The following OR2A14 variants were observed in gnomAD, a reference collection of about 807,000 sequenced individuals.
OR2A14 encodes olfactory receptor family 2 subfamily A member 14.
Under a neutral mutation model 2.4 loss-of-function variants are expected in OR2A14, and 2 were observed. The observed-to-expected ratio is 0.85, with a 90% CI of 0.35 to 2.67. The LOEUF is 2.67. OR2A14 is among the 30% of genes most tolerant of loss of function. The probability of loss-of-function intolerance (pLI) is 0.10; values close to 1 mark genes in which losing one functional copy is unlikely to be tolerated. For missense variants in OR2A14, 390 were observed against 379.4 expected (o/e 1.03, Z -0.23); for synonymous variants, 160 against 156.3 (o/e 1.02, Z -0.18).
rs1309207697 is a variant in OR2A14 at position 144,129,116 on chromosome 7, G to C, written c.4G>C (p.Glu2Gln). 6.2e-7 allele frequency: 1 copy of C among 1,611,616 alleles called. No individual in the cohort carries two copies. Among genetic ancestry groups the C allele is most frequent in the Non-Finnish European group, 8.5e-7 (1 of 1,178,344 alleles). ...TGTCCTAGATGTCCACAAGAGCATG[G>C]AAGGCAACAAGACATGGATCACAGA... M[E>Q]GNKTWITDIT... is the part of the protein sequence containing the mutation. Residue 2 changes from glutamate to glutamine, a missense_variant, in exon 2 of 2, where the codon GAA becomes CAA. Coordinates refer to ENST00000641068, the MANE Select transcript of OR2A14 (RefSeq NM_001001659.3).
chr7:144,128,355 A>G (rs1338546707), intron 1 of OR2A14, among the ~76,000 whole-genome samples: 2 of 152,194 alleles, frequency 1.3e-5, no homozygotes. Flanking sequence ...GTATGTAGCC[A>G]AGAATTATTT....
At chr7:144,128,440 C>A (rs2051498966) in intron 1 of OR2A14, among the ~76,000 whole-genome samples, 1 of 152,132 alleles carries the variant, frequency 6.6e-6, no homozygotes, top group Non-Finnish European at 1.5e-5. Context: ...CTACAAACAC[C>A]AGATATGGAA....
At position 144,129,455 on chromosome 7, in the gene OR2A14, G is replaced by A. The variant is rs267601377; in HGVS notation, c.343G>A (p.Val115Met). The A allele has an allele frequency of 6.2e-7, 1 of 1,613,898 alleles. No homozygotes were observed. Among genetic ancestry groups the A allele is most frequent in the Non-Finnish European group, 8.5e-7 (1 of 1,179,962 alleles). ...AFAHVECLIL[V>M]VMSYDRYADI... ...TGCTCACGTAGAGTGTCTGATTTTG[G>A]TGGTGATGTCCTATGATCGCTATGC... is the stretch of plus-strand genomic sequence containing the variant. The change falls in exon 2 of 2, where the codon GTG (valine) becomes ATG (methionine). Residue 115 changes from valine (V) to methionine (M), a missense_variant. Coordinates refer to ENST00000641068, the MANE Select transcript of OR2A14 (RefSeq NM_001001659.3).
At position 144,129,701 on chromosome 7, in the gene OR2A14, G is replaced by C. The variant is rs552322540; in HGVS notation, c.589G>C (p.Val197Leu). The C allele has an allele frequency of 6.2e-7, 1 of 1,614,122 alleles. No homozygotes were observed. The highest frequency in any genetic ancestry group is 1.3e-5 in the African/African-American group (1 of 75,056). Residue 197 changes from valine (V) to leucine (L), a missense_variant, in exon 2 of 2, where the codon GTC becomes CTC. Coordinates refer to ENST00000641068, the MANE Select transcript of OR2A14 (RefSeq NM_001001659.3). ...TGCTGACACCTGGCTCAACCAGGTG[G>C]TCATCTTTGCAGCCTGCGTGTTCAT... ...ACADTWLNQV[V>L]IFAACVFILV...
intron 1 of OR2A14, among the ~76,000 whole-genome samples, chr7:144,124,462 C>CAAAAAA (rs10664756): frequency 2.4e-5 from 2 of 84,882 alleles, no homozygotes; most frequent in East Asian, 3.1e-4. Context: ...AACTCCGTCT[C>CAAAAAA]AAAAAAAAAA....
In OR2A14 at chr7:144,130,792, A is replaced by G. The variant is rs951958660; in HGVS notation, c.*747A>G. 2.0e-5 allele frequency: 3 copies of G among 152,236 alleles called. No homozygotes were observed. Among genetic ancestry groups the G allele is most frequent in the Admixed American group, 6.5e-5 (1 of 15,282 alleles). 9.4% of individuals were successfully genotyped at this position (152,236 alleles called of 1,614,324 possible). A position where few individuals can be genotyped will look rare whatever the true frequency, so the allele number is the denominator to read the frequency against. On this transcript the variant is annotated 3_prime_UTR_variant, in exon 2 of 2. Transcript: ENST00000641068. ...ATAATTAGTGACACTTCCTGTGAAGATACACAGGTTAATGCTTAAGGCTTT... is the reference window on the plus strand; with the variant it reads ...ATAATTAGTGACACTTCCTGTGAAGGTACACAGGTTAATGCTTAAGGCTTT...
intron 1 of OR2A14, among the ~76,000 whole-genome samples, chr7:144,126,458 C>G (rs1265143340): frequency 6.6e-6 from 1 of 152,172 alleles, no homozygotes; most frequent in African/African-American, 2.4e-5. Context: ...TTACTGTTCT[C>G]TGTGTAGAGA....
rs142203313 is a variant in OR2A14, at chr7:144,129,092, G to C, written c.-21G>C. ...ACTGGCCCACAGCTCTGACCTTCCT[G>C]TCCTAGATGTCCACAAGAGCATGGA... On this transcript the variant is annotated 5_prime_UTR_variant, in exon 2 of 2. Coordinates refer to ENST00000641068, the MANE Select transcript of OR2A14 (RefSeq NM_001001659.3). 2.4e-3 allele frequency: 3,824 copies of C among 1,597,690 alleles called. 11 individuals are homozygous for C. Among genetic ancestry groups the C allele is most frequent in the Non-Finnish European group, 2.6e-3 (3,096 of 1,168,776 alleles).
At chr7:144,126,046 G>A (rs1363048438) in intron 1 of OR2A14, among the ~76,000 whole-genome samples, 4 of 152,254 alleles carry the variant, frequency 2.6e-5, no homozygotes, top group Admixed American at 2.6e-4. Context: ...AGGGATAAAA[G>A]GCTTCTCCTT....
Position 144,129,129 on chromosome 7 carries a change from C to T in OR2A14, c.17C>T (p.Thr6Ile), listed in dbSNP as rs749509968. The part of the protein sequence containing the change: MEGNK[T>I]WITDITLPRF... ...CACAAGAGCATGGAAGGCAACAAGACATGGATCACAGACATCACCTTGCCG... is the reference window on the plus strand; with the variant it reads ...CACAAGAGCATGGAAGGCAACAAGATATGGATCACAGACATCACCTTGCCG... The change falls in exon 2 of 2, where the codon ACA (threonine) becomes ATA (isoleucine). Residue 6 changes from threonine to isoleucine, a missense_variant. Transcript: ENST00000641068. The T allele has an allele frequency of 2.3e-5, 37 of 1,613,100 alleles. No homozygotes were observed. Among genetic ancestry groups the T allele is most frequent in the Non-Finnish European group, 2.4e-5 (28 of 1,179,428 alleles).
In OR2A14 at chr7:144,130,100, G is replaced by A. The variant is rs2051521014; in HGVS notation, c.*55G>A. ...GCCTTGCTCCCTGCAAAATATAGAAGTTGGCTTTTTTTTTTTGTCTTCTGC... is the reference window on the plus strand; with the variant it reads ...GCCTTGCTCCCTGCAAAATATAGAAATTGGCTTTTTTTTTTTGTCTTCTGC... On this transcript the variant is annotated 3_prime_UTR_variant, in exon 2 of 2. Coordinates refer to ENST00000641068, the MANE Select transcript of OR2A14 (RefSeq NM_001001659.3). 5.2e-6 allele frequency: 7 copies of A among 1,358,488 alleles called. No individual in the cohort carries two copies. Among genetic ancestry groups the A allele is most frequent in the Non-Finnish European group, 6.9e-6 (7 of 1,020,414 alleles). The allele number at this position is 1,358,488 out of a possible 1,614,324, so 84.2% of individuals were successfully genotyped here.
intron 1 of OR2A14, 47 bp from the exon 2 acceptor site, chr7:144,129,032 T>C (rs1467108847): frequency 8.9e-7 from 1 of 1,117,502 alleles, no homozygotes; most frequent in Non-Finnish European, 1.3e-6. Flanking sequence ...TCATTCAAAG[T>C]TATAATTTCT....
Position 144,129,456 on chromosome 7 carries a change from T to A in OR2A14, c.344T>A (p.Val115Glu), listed in dbSNP as rs764315381. ...GCTCACGTAGAGTGTCTGATTTTGG[T>A]GGTGATGTCCTATGATCGCTATGCG... ...AFAHVECLIL[V>E]VMSYDRYADI... is the part of the protein sequence containing the mutation. Residue 115 changes from valine (V) to glutamate (E), a missense_variant, in exon 2 of 2, where the codon GTG becomes GAG. Val to Glu is a moderately radical substitution (Grantham distance 121, BLOSUM62 -2). Coordinates refer to ENST00000641068, the MANE Select transcript of OR2A14 (RefSeq NM_001001659.3). 5 of 1,613,980 alleles carry A rather than the reference T, an allele frequency of 3.1e-6. No individual in the cohort carries two copies. The highest frequency in any genetic ancestry group is 4.2e-6 in the Non-Finnish European group (5 of 1,179,954).
rs2051509695 is a variant in OR2A14 at position 144,129,361 on chromosome 7, T to C, written c.249T>C (p.Asn83=). The C allele has an allele frequency of 1.2e-6, 2 of 1,614,210 alleles. No homozygotes were observed. The highest frequency in any genetic ancestry group is 1.1e-5 in the South Asian group (1 of 91,082). ...ACTATGTCCCCAAGATGCTGACGAA[T>C]CTTATGAACCAGGAAAGCACCATCT... The part of the protein sequence containing the change: ...ASNYVPKMLT[N]LMNQESTISF... Residue 83 remains asparagine (N), a synonymous_variant, in exon 2 of 2, where the codon AAT becomes AAC. Transcript: ENST00000641068.
rs2051506630 is a variant in OR2A14 at position 144,129,138 on chromosome 7, C to G, written c.26C>G (p.Thr9Arg). 3.7e-6 allele frequency: 6 copies of G among 1,613,696 alleles called. No homozygotes were observed. The highest frequency in any genetic ancestry group is 5.1e-6 in the Non-Finnish European group (6 of 1,179,698). ...ATGGAAGGCAACAAGACATGGATCACAGACATCACCTTGCCGCGATTCCAG... is the reference window on the plus strand; with the variant it reads ...ATGGAAGGCAACAAGACATGGATCAGAGACATCACCTTGCCGCGATTCCAG... MEGNKTWI[T>R]DITLPRFQVG... The change falls in exon 2 of 2, where the codon ACA becomes AGA. Residue 9 changes from threonine (T) to arginine (R), a missense_variant. Coordinates refer to ENST00000641068, the MANE Select transcript of OR2A14 (RefSeq NM_001001659.3).
chr7:144,129,575 G>A lies in OR2A14; in HGVS notation c.463G>A (p.Ala155Thr), dbSNP rs745789380. ...VASWVFSFLL[A>T]LVPLVLILSL... ...TTCCTGGGTGTTCAGCTTCCTCCTGGCTCTGGTCCCTTTAGTTCTCATCCT... is the reference window on the plus strand; with the variant it reads ...TTCCTGGGTGTTCAGCTTCCTCCTGACTCTGGTCCCTTTAGTTCTCATCCT... Residue 155 changes from alanine to threonine, a missense_variant, in exon 2 of 2, where the codon GCT becomes ACT. Physicochemically the swap from Ala to Thr is moderately conservative, Grantham distance 58. Coordinates refer to ENST00000641068, the MANE Select transcript of OR2A14 (RefSeq NM_001001659.3). 1.2e-6 allele frequency: 2 copies of A among 1,614,122 alleles called. No individual in the cohort carries two copies. Among genetic ancestry groups the A allele is most frequent in the Non-Finnish European group, 1.7e-6 (2 of 1,180,010 alleles).
chr7:144,124,186 G>C (rs557806917), intron 1 of OR2A14, among the ~76,000 whole-genome samples: 1 of 152,060 alleles, frequency 6.6e-6, no homozygotes, highest in Non-Finnish European at 1.5e-5. Flanking sequence ...GCTGCGGCCG[G>C]GTGCAGTGGC....
intron 1 of OR2A14, among the ~76,000 whole-genome samples, chr7:144,126,240 G>A (rs1256467831): frequency 6.6e-6 from 1 of 152,142 alleles, no homozygotes; most frequent in Non-Finnish European, 1.5e-5. Context: ...GAATCTAAAA[G>A]TAAATCAATT....
At chr7:144,128,967 T>G in intron 1 of OR2A14, 112 bp from the exon 2 acceptor site, 1 of 639,944 alleles carries the variant, frequency 1.6e-6, no homozygotes, top group Non-Finnish European at 2.7e-6. Context: ...TTCTCATTTT[T>G]ATGAGCACAC....
Sources: allele counts gnomAD v4.1 joint callset (sites outside exome capture counted in the v4.1 genomes callset), GRCh38; gene constraint gnomAD v4.1.1; transcripts MANE v1.5; gene names NCBI Gene and HGNC (gene_info 2026-07-23, HGNC 2026-07-21).